NRG3: variants seen among roughly 807,000 people sequenced by gnomAD.
The protein encoded by NRG3 is neuregulin 3.
Under a neutral mutation model 66.9 loss-of-function variants are expected in NRG3, and 31 were observed. The ratio of observed to expected loss-of-function variants is 0.46; its 90% CI spans 0.35 to 0.63. NRG3 has a LOEUF of 0.63. NRG3 is among the 20% of genes least tolerant of loss of function. The probability of loss-of-function intolerance (pLI) is 0.00; values close to 1 mark genes in which losing one functional copy is unlikely to be tolerated. For missense variants in NRG3, 910 were observed against 878.9 expected, an observed-to-expected ratio of 1.04 and a Z score of -0.45; for synonymous variants, 393 against 359.4, an observed-to-expected ratio of 1.09 and a Z score of -1.06.
intron 1 of NRG3, among the ~76,000 whole-genome samples, chr10:82,286,091 GTT>G (rs1188678313): frequency 2.0e-5 from 3 of 152,144 alleles, no homozygotes; most frequent in Non-Finnish European, 2.9e-5. Flanking sequence ...TGTGTGTTCA[GTT>G]TTTTATACCT....
intron 8 of NRG3, among the ~76,000 whole-genome samples, chr10:82,984,534 G>A (rs373311800): frequency 1.3e-5 from 2 of 152,286 alleles, no homozygotes; most frequent in Admixed American, 6.5e-5. Context: ...CAGTGCCAGT[G>A]GAAATTGGAT....
At chr10:82,594,157 G>T (rs982660758) in intron 2 of NRG3, among the ~76,000 whole-genome samples, 1 of 152,052 alleles carries the variant, frequency 6.6e-6, no homozygotes, top group African/African-American at 2.4e-5. Context: ...TAGAATAATG[G>T]CTGTAATATA....
chr10:82,057,190 A>G (rs879886801), intron 1 of NRG3, among the ~76,000 whole-genome samples: 4 of 151,980 alleles, frequency 2.6e-5, no homozygotes, highest in African/African-American at 7.3e-5. Flanking sequence ...TTTTCAATGT[A>G]CTAATTTTCC....
intron 2 of NRG3, among the ~76,000 whole-genome samples, chr10:82,727,865 C>A (rs2057689141): frequency 6.6e-6 from 1 of 152,132 alleles, no homozygotes; most frequent in Admixed American, 6.5e-5. Context: ...TGGAGCTGCC[C>A]AAGACCATAG....
intron 1 of NRG3, among the ~76,000 whole-genome samples, chr10:82,077,632 A>G (rs552283698): frequency 1.3e-5 from 2 of 152,226 alleles, no homozygotes; most frequent in Non-Finnish European, 2.9e-5. Context: ...TAAAAGAAGG[A>G]TTTGACCAAT....
chr10:82,750,451 CTG>C (rs2058819118), intron 3 of NRG3, among the ~76,000 whole-genome samples: 1 of 152,092 alleles, frequency 6.6e-6, no homozygotes, highest in Non-Finnish European at 1.5e-5. Context: ...AGCAGAAAAA[CTG>C]ACTACATTGT....
At chr10:82,298,146 A>AAAAG (rs531702331) in intron 1 of NRG3, among the ~76,000 whole-genome samples, 5 of 151,772 alleles carry the variant, frequency 3.3e-5, no homozygotes, top group African/African-American at 7.3e-5. Flanking sequence ...TTCTGTCAAA[A>AAAAG]AAAGAAAGAA....
chr10:82,593,543 A>G (rs1209264827), intron 2 of NRG3, among the ~76,000 whole-genome samples: 1 of 139,052 alleles, frequency 7.2e-6, no homozygotes, highest in Non-Finnish European at 1.5e-5. Context: ...AAAGCCATTA[A>G]TTAACATTTC....
chr10:82,659,679 A>G (rs1251931826), intron 2 of NRG3, among the ~76,000 whole-genome samples: 3 of 152,152 alleles, frequency 2.0e-5, no homozygotes, highest in African/African-American at 7.2e-5. Context: ...ACAGAAAACC[A>G]AAGAAAAATA....
In NRG3 at chr10:82,638,503, C is replaced by T. The variant is rs1453028435; in HGVS notation, c.954-100074C>T. 2.6e-5 allele frequency among the ~76,000 whole-genome samples: 4 copies of T among 152,094 alleles called. No individual in the cohort carries two copies. In the South Asian group the frequency reaches 6.2e-4, roughly 24 times the overall value. ...CATTTGCCCGGTTTGACCTGGAGGC[C>T]GAAATGAATTGTGACTTATGTCCCA... On this transcript the variant is annotated intron_variant, in intron 2 of 8. Coordinates refer to ENST00000372141, the MANE Select transcript of NRG3 (RefSeq NM_001010848.4).
intron 2 of NRG3, among the ~76,000 whole-genome samples, chr10:82,620,098 T>C (rs540827669): frequency 4.1e-4 from 63 of 152,334 alleles, no homozygotes; most frequent in African/African-American, 1.4e-3. Context: ...CCTGAGGCGA[T>C]GGTGCCTAGG....
intron 1 of NRG3, among the ~76,000 whole-genome samples, chr10:82,086,188 A>G (rs1024270357): frequency 2.0e-5 from 3 of 152,152 alleles, no homozygotes; most frequent in African/African-American, 7.2e-5. Flanking sequence ...CAGTAATAGA[A>G]TTGGAGTCTC....
chr10:82,945,860 G>A lies in NRG3; in HGVS notation c.1055-5609G>A, dbSNP rs1003692109. ...AATGGAGAAGCTGGGTACAGAGTTT[G>A]GATGTGGGTGGGGTCAGAAGCAGAT... On this transcript the variant is annotated intron_variant, in intron 4 of 8. Transcript: ENST00000372141. Among the ~76,000 whole-genome samples the A allele has an allele frequency of 2.0e-5, 3 of 152,156 alleles. No homozygotes were observed. In the South Asian group the frequency reaches 6.2e-4, roughly 32 times the overall value.
intron 4 of NRG3, among the ~76,000 whole-genome samples, chr10:82,909,823 A>G (rs1040330157): frequency 6.6e-6 from 1 of 152,240 alleles, no homozygotes; most frequent in Non-Finnish European, 1.5e-5. Flanking sequence ...AATTTAGAAC[A>G]CAGAAAGTCA....
intron 4 of NRG3, among the ~76,000 whole-genome samples, chr10:82,906,728 C>A (rs1333514179): frequency 6.7e-6 from 1 of 150,064 alleles, no homozygotes; most frequent in Non-Finnish European, 1.5e-5. Context: ...ATCCATTGAG[C>A]AAATCACACC....
intron 1 of NRG3, among the ~76,000 whole-genome samples, chr10:82,299,833 G>C (rs2080290482): frequency 6.6e-6 from 1 of 151,974 alleles, no homozygotes; most frequent in Admixed American, 6.6e-5. Context: ...AATTCCAAGG[G>C]ATGCAAAAAA....
At chr10:81,896,039 A>G (rs1843497939) in intron 1 of NRG3, among the ~76,000 whole-genome samples, 1 of 152,202 alleles carries the variant, frequency 6.6e-6, no homozygotes, top group African/African-American at 2.4e-5. Context: ...TATTGTACGT[A>G]GGAACTGGTC....
intron 1 of NRG3, among the ~76,000 whole-genome samples, chr10:81,981,666 C>T (rs902543055): frequency 1.1e-4 from 16 of 152,200 alleles, no homozygotes; most frequent in African/African-American, 3.1e-4. Context: ...CAGACCTGGG[C>T]CCATGGTGAG....
chr10:82,258,928 A>T (rs2077877194), intron 1 of NRG3, among the ~76,000 whole-genome samples: 1 of 152,222 alleles, frequency 6.6e-6, no homozygotes, highest in Non-Finnish European at 1.5e-5. Context: ...TCGGGAAATT[A>T]GAAACAAAAG....
Sources: gnomAD v4.1 joint callset for allele counts (sites outside exome capture counted in the v4.1 genomes callset) on GRCh38, gnomAD v4.1.1 for gene constraint, MANE v1.5 for transcripts, NCBI Gene and HGNC (gene_info 2026-07-23, HGNC 2026-07-21) for gene names.